JKAMP: variants seen among roughly 807,000 people sequenced by gnomAD.
JKAMP encodes JNK1/MAPK8 associated membrane protein, also known as JNK1/MAPK8-associated membrane protein.
Under a neutral mutation model 40.2 loss-of-function variants are expected in JKAMP, and 20 were observed. The observed-to-expected ratio is 0.50, with a 90% CI of 0.35 to 0.72. The LOEUF is 0.72. Among genes scored for constraint, JKAMP ranks in the 30% least tolerant of loss-of-function variants. JKAMP has a pLI of 0.01. For synonymous variants in JKAMP, 138 were observed against 131.6 expected (o/e 1.05, Z -0.33); for missense variants, 276 against 373.0 (o/e 0.74, Z 2.14).
intron 4 of JKAMP, among the ~76,000 whole-genome samples, chr14:59,495,955 G>A (rs1368666341): frequency 6.6e-6 from 1 of 152,234 alleles, no homozygotes; most frequent in East Asian, 1.9e-4. Flanking sequence ...AGGCTGGAGT[G>A]CAGTGGCACG....
In JKAMP at chr14:59,498,739, A is replaced by G. The variant is rs781677033; in HGVS notation, c.471A>G (p.Val157=). Residue 157 remains valine (V), a synonymous_variant, in exon 5 of 7, where the codon GTA becomes GTG. Transcript: ENST00000616435. ...TTTTATTTTACAGATATACCATTGT[A>G]TTTATCTATTACGCATTCTGCTTGG... ...HEAVYPLYTI[V]FIYYAFCLVL... is the part of the protein sequence containing the mutation. 6.5e-6 allele frequency: 10 copies of G among 1,528,830 alleles called. No individual in the cohort carries two copies. The African/African-American group carries it at 1.1e-4, about 17-fold the overall frequency. The allele number at this position is 1,528,830 out of a possible 1,614,324, so 94.7% of individuals were successfully genotyped here. A position where few individuals can be genotyped will look rare whatever the true frequency, so the allele number is the denominator to read the frequency against.
chr14:59,484,808 C>T (rs1372897388), intron 1 of JKAMP: 4 of 920,086 alleles, frequency 4.3e-6, no homozygotes, highest in Non-Finnish European at 6.4e-6. Flanking sequence ...CTGTCTGCGG[C>T]GAAATGCCAG....
Position 59,486,768 on chromosome 14 carries a change from TA to T in JKAMP, c.65del (p.Asn22MetfsTer87). ...GLYCGKTLLFKNGSTEIYGEC... is the reference protein window; with the variant it reads ...GLYCGKTLLFXNGSTEIYGEC... ...TTTATTGTGGGAAGACCCTATTATT[TA>T]AAAATGGCTCAACTGAAATATATGG... is the stretch of plus-strand genomic sequence containing the variant. On this transcript the variant is annotated frameshift_variant, in exon 2 of 7. Coordinates refer to ENST00000616435, the MANE Select transcript of JKAMP (RefSeq NM_016475.5). LOFTEE classifies it high-confidence loss of function. 4 of 1,593,876 alleles carry T rather than the reference TA, an allele frequency of 2.5e-6. No individual in the cohort carries two copies. Among genetic ancestry groups the T allele is most frequent in the Non-Finnish European group, 3.4e-6 (4 of 1,168,444 alleles).
In JKAMP at chr14:59,487,799, C is replaced by T. The variant is rs1890692135; in HGVS notation, c.222C>T (p.Phe74=). 1 of 1,613,518 alleles carries T rather than the reference C, an allele frequency of 6.2e-7. No homozygotes were observed. The highest frequency in any genetic ancestry group is 8.5e-7 in the Non-Finnish European group (1 of 1,179,650). The stretch of plus-strand genomic sequence containing the variant: ...TGCTTCCTCTGGTTTTACATTGGTT[C>T]TTCATTGAATGGTACTCGGGGAAAA... ...MAMLPLVLHW[F]FIEWYSGKKS... is the part of the protein sequence containing the mutation. The change falls in exon 3 of 7, where the codon TTC becomes TTT. Residue 74 remains phenylalanine, a synonymous_variant. Coordinates refer to ENST00000616435, the MANE Select transcript of JKAMP (RefSeq NM_016475.5).
At position 59,496,616 on chromosome 14, in the gene JKAMP, T is replaced by C. The variant is rs545397078; in HGVS notation, c.458+1392T>C. 7.2e-5 allele frequency among the ~76,000 whole-genome samples: 11 copies of C among 152,296 alleles called. No individual in the cohort carries two copies. In the South Asian group the frequency reaches 1.7e-3, roughly 23 times the overall value. On this transcript the variant is annotated intron_variant, in intron 4 of 6. Transcript: ENST00000616435. ...TACCAACCCTCATCTGCACCTGTAATAGTCACTTCTAATTTATTGTAGCAC... is the reference window on the plus strand; with the variant it reads ...TACCAACCCTCATCTGCACCTGTAACAGTCACTTCTAATTTATTGTAGCAC...
At chr14:59,502,755 T>TGTTTTG (rs67189643) in intron 6 of JKAMP, among the ~76,000 whole-genome samples, 3 of 122,918 alleles carry the variant, frequency 2.4e-5, no homozygotes, top group African/African-American at 9.1e-5. Context: ...ATGAGATTTT[T>TGTTTTG]TTTTTTTTTT....
At chr14:59,485,317 A>G (rs1423752982) in intron 1 of JKAMP, 3 of 497,014 alleles carry the variant, frequency 6.0e-6, no homozygotes, top group Non-Finnish European at 1.0e-5. Context: ...TTAATTTAGA[A>G]CATTGTGATT....
intron 4 of JKAMP, among the ~76,000 whole-genome samples, chr14:59,497,824 T>C (rs919853793): frequency 6.6e-6 from 1 of 152,196 alleles, no homozygotes; most frequent in Non-Finnish European, 1.5e-5. Context: ...GGTATCATGA[T>C]GCTGTGTGGG....
rs1380599990 is a variant in JKAMP at position 59,484,523 on chromosome 14, C to G, written c.-67C>G. 5.8e-6 allele frequency: 9 copies of G among 1,550,124 alleles called. No homozygotes were observed. Among genetic ancestry groups the G allele is most frequent in the Non-Finnish European group, 7.9e-6 (9 of 1,144,548 alleles). On this transcript the variant is annotated 5_prime_UTR_variant, in exon 1 of 7. Coordinates refer to ENST00000616435, the MANE Select transcript of JKAMP (RefSeq NM_016475.5). ...CGGAGCCGCCGAGCTCGCTGTGGCC[C>G]GGATGTTCGGTGCAGCTGCCAGATC...
Position 59,505,313 on chromosome 14 carries a change from T to C in JKAMP, c.*1241T>C. 1 of 1,458,766 alleles carries C rather than the reference T, an allele frequency of 6.9e-7. No individual in the cohort carries two copies. Among genetic ancestry groups the C allele is most frequent in the Non-Finnish European group, 9.2e-7 (1 of 1,088,370 alleles). The allele number at this position is 1,458,766 out of a possible 1,614,324, so 90.4% of individuals were successfully genotyped here. A position where few individuals can be genotyped will look rare whatever the true frequency, so the allele number is the denominator to read the frequency against. ...ACCCTTGTACGAATGTGTTTCTTCT[T>C]CTCTGTAGGAATAAAAAATAAATAT... On this transcript the variant is annotated 3_prime_UTR_variant, in exon 7 of 7. Transcript: ENST00000616435.
intron 5 of JKAMP, 107 bp downstream of exon 5, chr14:59,499,015 CTTTTTTTTTTT>C (rs527684457): frequency 6.0e-3 from 756 of 126,904 alleles, no homozygotes; most frequent in South Asian, 0.017. Flanking sequence ...TTGTTTAATC[CTTTTTTTTTTT>C]TTTTTTTTTT....
chr14:59,489,097 G>A (rs1027981851), intron 3 of JKAMP, among the ~76,000 whole-genome samples: 1 of 152,220 alleles, frequency 6.6e-6, no homozygotes, highest in Non-Finnish European at 1.5e-5. Context: ...TTGCTGTACA[G>A]CCTGGTTGAA....
At position 59,500,458 on chromosome 14, in the gene JKAMP, T is replaced by C. The variant is rs763035369; in HGVS notation, c.641-733T>C. On this transcript the variant is annotated intron_variant, in intron 5 of 6. Transcript: ENST00000616435. ...TTGAAACATTTTAAGAGAAAAGTGG[T>C]GTTTTAGAGGAAAAAATTTGCTTAA... 3.2e-4 allele frequency among the ~76,000 whole-genome samples: 48 copies of C among 152,246 alleles called. 1 individual carries two copies. Among genetic ancestry groups the C allele is most frequent in the Non-Finnish European group, 2.9e-5 (2 of 68,034 alleles).
In JKAMP at chr14:59,493,417, G is replaced by A. The variant is rs561227366; in HGVS notation, c.252-1601G>A. 7.9e-5 allele frequency among the ~76,000 whole-genome samples: 12 copies of A among 152,236 alleles called. No individual in the cohort carries two copies. In the South Asian group the frequency reaches 1.5e-3, roughly 18 times the overall value. On this transcript the variant is annotated intron_variant, in intron 3 of 6. Coordinates refer to ENST00000616435, the MANE Select transcript of JKAMP (RefSeq NM_016475.5). ...AGTGCTTCCCAAATTGACACCATGT[G>A]GAGCAGAAAGAACTGCCCAGTTGAG...
intron 3 of JKAMP, among the ~76,000 whole-genome samples, chr14:59,492,541 C>T (rs10130767): frequency 0.39 from 59,239 of 151,966 alleles, 12,282 homozygotes; most frequent in African/African-American, 0.52. Flanking sequence ...ATGGTATCCC[C>T]ATCAGGCATT....
At chr14:59,501,141 T>C in intron 5 of JKAMP, 50 bp from the exon 6 acceptor site, 1 of 1,125,866 alleles carries the variant, frequency 8.9e-7, no homozygotes, top group Non-Finnish European at 1.3e-6. Flanking sequence ...TGATGGTTTA[T>C]TGAGAAAATT....
In JKAMP at chr14:59,505,102, C is replaced by A; in HGVS notation, c.*1030C>A. ...TTGTTTAGAAGTTTATTTACTGATA[C>A]TTGGTGGAGGTTGTGTGAATTAGTT... On this transcript the variant is annotated 3_prime_UTR_variant, in exon 7 of 7. Transcript: ENST00000616435. 2.2e-6 allele frequency: 1 copy of A among 445,406 alleles called. No homozygotes were observed. Among genetic ancestry groups the A allele is most frequent in the Non-Finnish European group, 4.0e-6 (1 of 249,806 alleles). 27.6% of individuals were successfully genotyped at this position (445,406 alleles called of 1,614,324 possible). A position where few individuals can be genotyped will look rare whatever the true frequency, so the allele number is the denominator to read the frequency against.
chr14:59,501,033 AGCTT>A lies in JKAMP; in HGVS notation c.641-154_641-151del. ...TTACTATCTTGCCCTTTCCAGAAAA[AGCTT>A]GCTGGCCACTGCCTCAGAACCTTAG... On this transcript the variant is annotated intron_variant, in intron 5 of 6. Transcript: ENST00000616435. 3 of 563,384 alleles carry A rather than the reference AGCTT, an allele frequency of 5.3e-6. No homozygotes were observed. The South Asian group carries it at 7.0e-5, about 13-fold the overall frequency. 34.9% of individuals were successfully genotyped at this position (563,384 alleles called of 1,614,324 possible). A position where few individuals can be genotyped will look rare whatever the true frequency, so the allele number is the denominator to read the frequency against.
At chr14:59,502,755 T>TGTTTTTTTTTCTTTGTTTTTG (rs67189643) in intron 6 of JKAMP, among the ~76,000 whole-genome samples, 54,931 of 122,228 alleles carry the variant, frequency 0.45, 15,365 homozygotes, top group East Asian at 0.78. Context: ...ATGAGATTTT[T>TGTTTTTTTTTCTTTGTTTTTG]TTTTTTTTTT....
Sources: allele counts gnomAD v4.1 joint callset (sites outside exome capture counted in the v4.1 genomes callset), GRCh38; gene constraint gnomAD v4.1.1; transcripts MANE v1.5; gene names NCBI Gene and HGNC (gene_info 2026-07-23, HGNC 2026-07-21).